AOAH: variants seen among roughly 807,000 people sequenced by gnomAD.
The protein encoded by AOAH is acyloxyacyl hydrolase (neutrophil).
AOAH carries 64 observed loss-of-function variants against 92.2 expected under a neutral mutation model. The ratio of observed to expected loss-of-function variants is 0.69; its 90% CI spans 0.57 to 0.86. The LOEUF (loss-of-function observed/expected upper bound fraction) is 0.86, where lower values mean the gene tolerates loss of function less well. AOAH is among the 40% of genes least tolerant of loss of function. The probability of loss-of-function intolerance (pLI) is 0.00; values close to 1 mark genes in which losing one functional copy is unlikely to be tolerated. For missense variants in AOAH, 656 were observed against 694.6 expected, an observed-to-expected ratio of 0.94 and a Z score of 0.62; for synonymous variants, 263 against 254.5, an observed-to-expected ratio of 1.03 and a Z score of -0.32.
intron 12 of AOAH, among the ~76,000 whole-genome samples, chr7:36,589,485 A>G (rs1335113262): frequency 3.9e-5 from 6 of 152,352 alleles, no homozygotes; most frequent in Non-Finnish European, 8.8e-5. Flanking sequence ...AGGGGAAGAC[A>G]TAGTGGGTAG....
intron 12 of AOAH, among the ~76,000 whole-genome samples, chr7:36,577,950 A>C (rs1562586985): frequency 6.6e-6 from 1 of 152,222 alleles, no homozygotes; most frequent in East Asian, 1.9e-4. Context: ...CAACTGTCTC[A>C]GTGCTTCAGA....
At chr7:36,635,861 CTCTA>C (rs1185811835) in intron 5 of AOAH, among the ~76,000 whole-genome samples, 2 of 152,224 alleles carry the variant, frequency 1.3e-5, no homozygotes, top group African/African-American at 4.8e-5. Context: ...GACAAAAATA[CTCTA>C]TCTATTTGAG....
intron 11 of AOAH, among the ~76,000 whole-genome samples, chr7:36,615,057 G>T (rs746886658): frequency 1.3e-5 from 2 of 152,184 alleles, no homozygotes; most frequent in Non-Finnish European, 2.9e-5. Context: ...GTGGACTTGT[G>T]CTCCTGGGAA....
At chr7:36,540,545 G>C in intron 15 of AOAH, 54 bp from the exon 16 acceptor site, 1 of 1,492,282 alleles carries the variant, frequency 6.7e-7, no homozygotes, top group Non-Finnish European at 9.2e-7. Context: ...ATAGATGCAT[G>C]CAAGTTGCAC....
At position 36,516,233 on chromosome 7, in the gene AOAH, ACAC is replaced by A. The variant is rs1783692594; in HGVS notation, c.1600-2856_1600-2854del. On this transcript the variant is annotated intron_variant, in intron 20 of 20. Transcript: ENST00000617537. The surrounding 1 kb of genome is among the most constrained non-coding windows in gnomAD (Gnocchi z 5.0). Reference sequence around the variant, plus strand: ...CACACATCCTACACACACCCCACACACACCTCACACAGATACCACCACATGCAC... The same window carrying A: ...CACACATCCTACACACACCCCACACACTCACACAGATACCACCACATGCAC... Among the ~76,000 whole-genome samples the A allele has an allele frequency of 6.6e-6, 1 of 150,484 alleles. No individual in the cohort carries two copies. The highest frequency in any genetic ancestry group is 1.5e-5 in the Non-Finnish European group (1 of 67,598).
intron 9 of AOAH, among the ~76,000 whole-genome samples, chr7:36,619,079 G>C (rs1792102854): frequency 6.6e-6 from 1 of 152,186 alleles, no homozygotes; most frequent in Admixed American, 6.5e-5. Flanking sequence ...AGTATTCCAA[G>C]ATGAAAGCAC....
rs147522690 is a variant in AOAH at position 36,513,685 on chromosome 7, G to A, written c.1600-305C>T. ...TCTGGGCTGGAGCTGAGGGTGACCC[G>A]GTTGCCATCCAGCCTGAAGCTGGCT... On this transcript the variant is annotated intron_variant, in intron 20 of 20. Transcript: ENST00000617537. Among the ~76,000 whole-genome samples, 1,085 of 152,300 alleles carry A rather than the reference G, an allele frequency of 7.1e-3. 15 individuals carry two copies. The highest frequency in any genetic ancestry group is 0.024 in the African/African-American group (1,002 of 41,560).
At chr7:36,705,963 A>G (rs1389573804) in intron 1 of AOAH, among the ~76,000 whole-genome samples, 1 of 152,182 alleles carries the variant, frequency 6.6e-6, no homozygotes, top group Non-Finnish European at 1.5e-5. Context: ...CATATGTAGA[A>G]AACTGAAAAT....
chr7:36,654,128 T>TAC (rs767393225), intron 4 of AOAH, among the ~76,000 whole-genome samples: 5,888 of 146,862 alleles, frequency 0.04, 119 homozygotes, highest in African/African-American at 0.055. Context: ...CGTGTGTGCG[T>TAC]ACACACACAC....
chr7:36,656,777 G>A (rs1794916056), intron 4 of AOAH, among the ~76,000 whole-genome samples: 1 of 148,720 alleles, frequency 6.7e-6, no homozygotes, highest in African/African-American at 2.5e-5. Flanking sequence ...TTGCTGCAAG[G>A]CCTGATAGGT....
intron 4 of AOAH, among the ~76,000 whole-genome samples, chr7:36,653,685 G>A (rs895608952): frequency 6.6e-6 from 1 of 152,200 alleles, no homozygotes; most frequent in East Asian, 1.9e-4. Flanking sequence ...GGGAAATAAG[G>A]AGAACCTCTC....
At chr7:36,637,815 A>C (rs749051681) in intron 5 of AOAH, 36 bp downstream of exon 5, 33 of 1,602,502 alleles carry the variant, frequency 2.1e-5, no homozygotes, top group Non-Finnish European at 2.8e-5. Context: ...GGACATGCCA[A>C]GGAAAAGGCT....
intron 13 of AOAH, among the ~76,000 whole-genome samples, chr7:36,571,774 C>A (rs1788165674): frequency 6.6e-6 from 1 of 152,188 alleles, no homozygotes; most frequent in South Asian, 2.1e-4. Context: ...AACCCTAGAG[C>A]CCTTCTGCTG....
rs751121934 is a variant in AOAH, at chr7:36,547,421, A to G, written c.1133+1191T>C. Among the ~76,000 whole-genome samples the G allele has an allele frequency of 3.1e-4, 47 of 152,342 alleles. No homozygotes were observed. The Middle Eastern group carries it at 0.014, about 44-fold the overall frequency. On this transcript the variant is annotated intron_variant, in intron 15 of 20. Coordinates refer to ENST00000617537, the MANE Select transcript of AOAH (RefSeq NM_001637.4). Reference sequence around the variant, plus strand: ...TATCTGTGCGGGCAAACACACTTTAATACTATTGAGTTTTGTTTTCAGCAC... The same window carrying G: ...TATCTGTGCGGGCAAACACACTTTAGTACTATTGAGTTTTGTTTTCAGCAC...
intron 3 of AOAH, among the ~76,000 whole-genome samples, chr7:36,666,384 T>C (rs1199180560): frequency 6.6e-6 from 1 of 152,118 alleles, no homozygotes; most frequent in African/African-American, 2.4e-5. Flanking sequence ...GTGGGATTTG[T>C]AGTGATGTCT....
At chr7:36,678,600 TGCGCGCGC>T (rs1554314414) in intron 2 of AOAH, among the ~76,000 whole-genome samples, 1 of 131,034 alleles carries the variant, frequency 7.6e-6, no homozygotes, top group African/African-American at 2.7e-5. Flanking sequence ...TGTGTGTGTG[TGCGCGCGC>T]GCGCGCGTTA....
intron 4 of AOAH, among the ~76,000 whole-genome samples, chr7:36,640,437 A>C (rs1793825187): frequency 6.6e-6 from 1 of 152,156 alleles, no homozygotes; most frequent in Non-Finnish European, 1.5e-5. Context: ...TGAAGGCTAC[A>C]TGGGGAGTGA....
intron 1 of AOAH, among the ~76,000 whole-genome samples, chr7:36,696,882 A>T (rs1584139616): frequency 6.8e-6 from 1 of 147,746 alleles, no homozygotes; most frequent in Non-Finnish European, 1.5e-5. Context: ...AAAAAAATCA[A>T]TTTTTGTATA....
rs534774977 is a variant in AOAH at position 36,701,410 on chromosome 7, T to C, written c.128-14616A>G. ...ACTCTACTGTTGCATTGCCTGGTTT[T>C]CTTTTCAACTCTTTCAGTATTTGGG... On this transcript the variant is annotated intron_variant, in intron 1 of 20. Transcript: ENST00000617537. Among the ~76,000 whole-genome samples the C allele has an allele frequency of 2.2e-3, 335 of 151,302 alleles. 3 individuals are homozygous for C. Among genetic ancestry groups the C allele is most frequent in the African/African-American group, 7.8e-3 (325 of 41,442 alleles).
Sources: gnomAD v4.1 joint callset for allele counts (sites outside exome capture counted in the v4.1 genomes callset) on GRCh38, gnomAD v4.1.1 for gene constraint, Gnocchi (gnomAD v3.1) non-coding constraint, MANE v1.5 for transcripts, NCBI Gene and HGNC (gene_info 2026-07-23, HGNC 2026-07-21) for gene names.